EPHB1: variants seen among roughly 807,000 people sequenced by gnomAD.
The protein encoded by EPHB1 is ephrin type-B receptor 1.
Under a neutral mutation model 94.4 loss-of-function variants are expected in EPHB1, and 30 were observed. That is an observed-to-expected ratio of 0.32 (90% confidence interval 0.24 to 0.43). The LOEUF (loss-of-function observed/expected upper bound fraction) is 0.43, where lower values mean the gene tolerates loss of function less well. Ranked by LOEUF, EPHB1 falls within the 20% of genes least tolerant of loss-of-function variation. EPHB1 has a pLI of 1.00. For synonymous variants in EPHB1, 522 were observed against 489.1 expected, an observed-to-expected ratio of 1.07 and a Z score of -0.89; for missense variants, 1,055 against 1,308.3, an observed-to-expected ratio of 0.81 and a Z score of 2.99.
intron 5 of EPHB1, among the ~76,000 whole-genome samples, chr3:135,142,677 G>C (rs1350502039): frequency 6.6e-6 from 1 of 152,144 alleles, no homozygotes; most frequent in East Asian, 1.9e-4. Context: ...AGTGACTTTA[G>C]GCAAAGCAGA....
Position 134,819,203 on chromosome 3 carries a change from A to G in EPHB1, c.58+23514A>G, listed in dbSNP as rs181700890. Among the ~76,000 whole-genome samples, 7 of 152,206 alleles carry G rather than the reference A, an allele frequency of 4.6e-5. No individual in the cohort carries two copies. In the East Asian group the frequency reaches 9.7e-4, roughly 21 times the overall value. ...ATGGACGTTAGGTAGGCATAAACAC[A>G]CCTCTGTCTAATCACTATCACTTCC... On this transcript the variant is annotated intron_variant, in intron 1 of 15. Coordinates refer to ENST00000398015, the MANE Select transcript of EPHB1 (RefSeq NM_004441.5).
At chr3:134,952,935 G>T (rs1194352534) in intron 3 of EPHB1, among the ~76,000 whole-genome samples, 1 of 152,172 alleles carries the variant, frequency 6.6e-6, no homozygotes, top group East Asian at 1.9e-4. Context: ...ATCCAGGGTT[G>T]GGGAAGAGAA....
chr3:134,841,081 C>T (rs2036767678), intron 1 of EPHB1, among the ~76,000 whole-genome samples: 1 of 152,214 alleles, frequency 6.6e-6, no homozygotes, highest in African/African-American at 2.4e-5. Context: ...CCTTCCTCAG[C>T]TACATCTACC....
At chr3:135,051,889 T>C (rs1937179970) in intron 3 of EPHB1, among the ~76,000 whole-genome samples, 1 of 152,158 alleles carries the variant, frequency 6.6e-6, no homozygotes, top group Non-Finnish European at 1.5e-5. Context: ...TCCTATCCAC[T>C]GAGGGAGTAG....
At chr3:134,808,043 G>A (rs994623413) in intron 1 of EPHB1, among the ~76,000 whole-genome samples, 1 of 152,226 alleles carries the variant, frequency 6.6e-6, no homozygotes, top group Non-Finnish European at 1.5e-5. Flanking sequence ...GGTTGATGAA[G>A]TTCATAGAGG....
At chr3:135,198,863 G>A (rs1218215891) in intron 11 of EPHB1, among the ~76,000 whole-genome samples, 1 of 152,146 alleles carries the variant, frequency 6.6e-6, no homozygotes, top group African/African-American at 2.4e-5. Flanking sequence ...AACTGCTCTG[G>A]AGGTTAAATA....
intron 3 of EPHB1, among the ~76,000 whole-genome samples, chr3:134,952,892 T>C (rs1035110725): frequency 8.5e-5 from 13 of 152,052 alleles, no homozygotes; most frequent in African/African-American, 2.7e-4. Context: ...AGCTTATGCA[T>C]TGTCTAAGTG....
intron 7 of EPHB1, among the ~76,000 whole-genome samples, chr3:135,163,981 G>T (rs1288173898): frequency 3.3e-5 from 5 of 152,118 alleles, no homozygotes; most frequent in African/African-American, 1.2e-4. Flanking sequence ...ACTTTGGGCT[G>T]GTAACCTCCA....
intron 3 of EPHB1, among the ~76,000 whole-genome samples, chr3:135,084,128 AGT>A (rs928917916): frequency 2.6e-5 from 4 of 152,156 alleles, no homozygotes; most frequent in African/African-American, 9.7e-5. Flanking sequence ...GAAAGACCAA[AGT>A]GTGTTTAATT....
At chr3:135,135,752 T>C (rs751229952) in intron 5 of EPHB1, among the ~76,000 whole-genome samples, 5 of 152,172 alleles carry the variant, frequency 3.3e-5, no homozygotes, top group Non-Finnish European at 7.3e-5. Context: ...AGGCAAAGAA[T>C]TTGACCAAGA....
intron 3 of EPHB1, among the ~76,000 whole-genome samples, chr3:135,018,009 G>T (rs1243604545): frequency 6.6e-6 from 1 of 152,124 alleles, no homozygotes; most frequent in Non-Finnish European, 1.5e-5. Flanking sequence ...GTGAGGGGGG[G>T]CATGATGAGA....
chr3:134,798,782 G>A (rs973178051), intron 1 of EPHB1, among the ~76,000 whole-genome samples: 1 of 152,214 alleles, frequency 6.6e-6, no homozygotes, highest in African/African-American at 2.4e-5. Context: ...TCTGAGCTGC[G>A]TCTTGTCTTG....
intron 3 of EPHB1, among the ~76,000 whole-genome samples, chr3:134,981,102 A>G (rs906716009): frequency 6.6e-6 from 1 of 152,158 alleles, no homozygotes; most frequent in African/African-American, 2.4e-5. Context: ...GTCTCCTGAA[A>G]CACAGATTCA....
At chr3:134,941,721 G>A (rs1578215233) in intron 2 of EPHB1, among the ~76,000 whole-genome samples, 1 of 149,428 alleles carries the variant, frequency 6.7e-6, no homozygotes. Context: ...AGATAAATGA[G>A]TTTTGATAGC....
At chr3:135,225,830 G>A (rs867974340) in intron 12 of EPHB1, among the ~76,000 whole-genome samples, 8 of 151,994 alleles carry the variant, frequency 5.3e-5, no homozygotes, top group African/African-American at 1.2e-4. Flanking sequence ...ACTGTAAACC[G>A]TAGGCCCAAG....
At chr3:135,110,708 T>C (rs1327701389) in intron 4 of EPHB1, among the ~76,000 whole-genome samples, 1 of 152,248 alleles carries the variant, frequency 6.6e-6, no homozygotes, top group African/African-American at 2.4e-5. Context: ...TTGGCTGTTA[T>C]TCTCACTCAT....
chr3:135,181,406 C>G (rs1288412480), intron 10 of EPHB1, among the ~76,000 whole-genome samples: 1 of 152,194 alleles, frequency 6.6e-6, no homozygotes, highest in African/African-American at 2.4e-5. Context: ...TTCTCTTCCC[C>G]TTTAGATGCT....
At chr3:135,134,849 G>A (rs1245149222) in intron 5 of EPHB1, among the ~76,000 whole-genome samples, 1 of 152,084 alleles carries the variant, frequency 6.6e-6, no homozygotes, top group Non-Finnish European at 1.5e-5. Flanking sequence ...CTCTAAGCAT[G>A]TGCGAACAAA....
chr3:134,811,242 G>GTTTTTT (rs397966930), intron 1 of EPHB1, among the ~76,000 whole-genome samples: 27,456 of 71,764 alleles, frequency 0.38, 9,225 homozygotes, highest in East Asian at 0.66. Flanking sequence ...TACTAAGAAG[G>GTTTTTT]TTTTTTTTTT....
Sources: gnomAD v4.1 joint callset for allele counts (sites outside exome capture counted in the v4.1 genomes callset) on GRCh38, gnomAD v4.1.1 for gene constraint, MANE v1.5 for transcripts, NCBI Gene and HGNC (gene_info 2026-07-23, HGNC 2026-07-21) for gene names.